Variants in WDR72 observed in about 807,000 individuals in gnomAD.
The protein encoded by WDR72 is WD repeat domain 72.
Under a neutral mutation model 124.2 loss-of-function variants are expected in WDR72, and 120 were observed. The observed-to-expected ratio is 0.97, with a 90% CI of 0.83 to 1.12. WDR72 has a LOEUF of 1.12. Ranked by LOEUF, WDR72 falls within the 50% of genes most tolerant of loss-of-function variation. The pLI is 0.00. For synonymous variants in WDR72, 452 were observed against 441.7 expected, an observed-to-expected ratio of 1.02 and a Z score of -0.29; for missense variants, 1,387 against 1,278.8, an observed-to-expected ratio of 1.08 and a Z score of -1.29.
chr15:53,735,717 A>G (rs2018334158), intron 1 of WDR72, among the ~76,000 whole-genome samples: 1 of 152,196 alleles, frequency 6.6e-6, no homozygotes, highest in Admixed American at 6.5e-5. Context: ...AAAAAATTAT[A>G]AAACATTCAA....
At chr15:53,737,650 A>G (rs1467386043) in intron 1 of WDR72, among the ~76,000 whole-genome samples, 1 of 152,166 alleles carries the variant, frequency 6.6e-6, no homozygotes, top group Admixed American at 6.5e-5. Context: ...CTCAAAATAC[A>G]TAAAACACAA....
chr15:53,758,340 A>G (rs1367215600), intron 1 of WDR72, among the ~76,000 whole-genome samples: 1 of 152,264 alleles, frequency 6.6e-6, no homozygotes, highest in South Asian at 2.1e-4. Flanking sequence ...TAATTTTAAA[A>G]TACCTTTTCC....
rs2140368403 is a variant in WDR72 at position 53,616,047 on chromosome 15, A to T, written c.2159T>A (p.Val720Glu). The change falls in exon 15 of 20, where the codon GTG (valine) becomes GAG (glutamate). Residue 720 changes from valine (V) to glutamate (E), a missense_variant. Transcript: ENST00000360509. ...GEVLRRAKST[V>E]EKKTLTLRKS... ...TCTCAGTGTCAGTGTCTTCTTCTCC[A>T]CTGTGCTCTTGGCTCTTCTCAGGAC... 1 of 1,612,652 alleles carries T rather than the reference A, an allele frequency of 6.2e-7. No homozygotes were observed.
At chr15:53,705,298 TC>T in intron 10 of WDR72, 65 bp from the exon 11 acceptor site, 1 of 1,470,536 alleles carries the variant, frequency 6.8e-7, no homozygotes, top group East Asian at 2.3e-5. Context: ...ATGGAAAATA[TC>T]AAGGCACCCT....
intron 13 of WDR72, among the ~76,000 whole-genome samples, chr15:53,681,421 T>C (rs1461147497): frequency 1.3e-5 from 2 of 152,182 alleles, no homozygotes; most frequent in African/African-American, 2.4e-5. Context: ...CATCCTGATG[T>C]GTTTCTTTTT....
chr15:53,702,828 C>A (rs1231540045), intron 11 of WDR72, among the ~76,000 whole-genome samples: 1 of 152,128 alleles, frequency 6.6e-6, no homozygotes, highest in Non-Finnish European at 1.5e-5. Context: ...ATAGTAAACA[C>A]TGCTCTAAAA....
Position 53,714,432 on chromosome 15 carries a change from A to T in WDR72, c.591+2T>A. On this transcript the variant is annotated splice_donor_variant, in intron 6 of 19. Coordinates refer to ENST00000360509, the MANE Select transcript of WDR72 (RefSeq NM_182758.4). LOFTEE classifies it high-confidence loss of function. ...AAAAAAGAGTAGGGTTCCCAAGCCA[A>T]CCTGAATGCTGTTGATAGATGAGGA... 1 of 1,613,548 alleles carries T rather than the reference A, an allele frequency of 6.2e-7. No homozygotes were observed. Among genetic ancestry groups the T allele is most frequent in the South Asian group, 1.1e-5 (1 of 91,068 alleles).
chr15:53,704,253 G>T (rs1250669141), intron 11 of WDR72, among the ~76,000 whole-genome samples: 1 of 152,106 alleles, frequency 6.6e-6, no homozygotes, highest in Non-Finnish European at 1.5e-5. Flanking sequence ...TTTAAAGTCA[G>T]CTCATAAAGA....
intron 18 of WDR72, among the ~76,000 whole-genome samples, chr15:53,537,396 G>C (rs1892819427): frequency 6.6e-6 from 1 of 151,934 alleles, no homozygotes; most frequent in Non-Finnish European, 1.5e-5. Flanking sequence ...GAGTTTTAGG[G>C]GCTCTTCTGA....
intron 18 of WDR72, among the ~76,000 whole-genome samples, chr15:53,535,202 C>T (rs59180677): frequency 0.053 from 8,014 of 152,180 alleles, 618 homozygotes; most frequent in African/African-American, 0.17. Flanking sequence ...TTTAATCCTA[C>T]TAAACAATAA....
intron 17 of WDR72, among the ~76,000 whole-genome samples, chr15:53,605,181 C>T (rs932596073): frequency 6.6e-5 from 10 of 152,314 alleles, no homozygotes; most frequent in East Asian, 3.9e-4. Flanking sequence ...AGATCACGTG[C>T]TTTGCACTGA....
In WDR72 at chr15:53,699,776, G is replaced by A. The variant is rs774263130; in HGVS notation, c.1739C>T (p.Ser580Leu). The change falls in exon 13 of 20, where the codon TCA (serine) becomes TTA (leucine). Residue 580 changes from serine (S) to leucine (L), a missense_variant. By Grantham distance (145) the Ser-to-Leu change is moderately radical (BLOSUM62 -2). Transcript: ENST00000360509. ...NFLIVGCADD[S>L]VYIWEIETGT... ...TGTTTCAATTTCCCAGATATAAACT[G>A]AGTCATCTGCACATCCAACAATTAA... The A allele has an allele frequency of 5.8e-5, 93 of 1,613,984 alleles. No individual in the cohort carries two copies. The highest frequency in any genetic ancestry group is 7.4e-5 in the Non-Finnish European group (87 of 1,180,016).
chr15:53,700,009 A>AT, intron 12 of WDR72, 64 bp from the exon 13 acceptor site: 1 of 1,597,868 alleles, frequency 6.3e-7, no homozygotes. Flanking sequence ...AGTAAGTCAG[A>AT]TTTTTTTCTC....
rs2017381760 is a variant in WDR72, at chr15:53,706,431, C to T, written c.955-357G>A. The stretch of plus-strand genomic sequence containing the variant: ...ACACATTACTGCAAGGGGCTTTCTA[C>T]ATATTCAGTTAAATAATCCTCACAA... On this transcript the variant is annotated intron_variant, in intron 9 of 19. Coordinates refer to ENST00000360509, the MANE Select transcript of WDR72 (RefSeq NM_182758.4). Among the ~76,000 whole-genome samples, 3 of 132,848 alleles carry T rather than the reference C, an allele frequency of 2.3e-5. No homozygotes were observed. The Admixed American group carries it at 2.4e-4, about 11-fold the overall frequency. The allele number at this position is 132,848 out of a possible 152,430, so 87.2% of individuals were successfully genotyped here.
At chr15:53,654,547 T>C (rs547193194) in intron 14 of WDR72, among the ~76,000 whole-genome samples, 56 of 152,308 alleles carry the variant, frequency 3.7e-4, no homozygotes, top group African/African-American at 1.1e-3. Context: ...AAACATCAAG[T>C]TGTGGCCCCA....
chr15:53,713,140 A>G (rs1450008366), intron 6 of WDR72, among the ~76,000 whole-genome samples: 1 of 149,756 alleles, frequency 6.7e-6, no homozygotes, highest in Non-Finnish European at 1.5e-5. Flanking sequence ...CTGCGTATGT[A>G]CTCCTGAAAG....
At chr15:53,539,434 C>T (rs1247264617) in intron 18 of WDR72, among the ~76,000 whole-genome samples, 1 of 151,668 alleles carries the variant, frequency 6.6e-6, no homozygotes, top group South Asian at 2.1e-4. Context: ...GCATAAAAAG[C>T]AGGATAAGCT....
At position 53,710,874 on chromosome 15, in the gene WDR72, A is replaced by C; in HGVS notation, c.937T>G (p.Ser313Ala). The C allele has an allele frequency of 6.2e-7, 1 of 1,613,336 alleles. No individual in the cohort carries two copies. The highest frequency in any genetic ancestry group is 1.1e-5 in the South Asian group (1 of 91,074). ...TIYPHLLCST[S>A]VQENKEQSRP... The stretch of plus-strand genomic sequence containing the variant: ...TGCATTACCTTATTTTCCTGCACAG[A>C]AGTAGAGCACAGTAAATGAGGATAA... Residue 313 changes from serine to alanine, a missense_variant, in exon 9 of 20, where the codon TCT becomes GCT. Ser to Ala is a moderately conservative substitution (Grantham distance 99). Transcript: ENST00000360509.
intron 13 of WDR72, among the ~76,000 whole-genome samples, chr15:53,685,906 C>A (rs1334710430): frequency 7.7e-6 from 1 of 129,588 alleles, no homozygotes; most frequent in Non-Finnish European, 1.6e-5. Context: ...GGCCAATATT[C>A]AACATTCTTA....
Sources: gnomAD v4.1 joint callset for allele counts (sites outside exome capture counted in the v4.1 genomes callset) on GRCh38, gnomAD v4.1.1 for gene constraint, MANE v1.5 for transcripts, NCBI Gene and HGNC (gene_info 2026-07-23, HGNC 2026-07-21) for gene names.